Variants in POFUT3 observed in about 807,000 individuals in gnomAD.
POFUT3 encodes GDP-fucose protein O-fucosyltransferase 3.
At chr8:33,341,579 C>T in the POFUT3 span, among the ~76,000 whole-genome samples, 1 of 151,368 alleles carries the variant, frequency 6.6e-6, no homozygotes, top group African/African-American at 2.4e-5. Context: ...TAAAGCAATA[C>T]TGAGAGAGGA....
At chr8:33,386,199 A>G in the POFUT3 span, among the ~76,000 whole-genome samples, 1 of 151,242 alleles carries the variant, frequency 6.6e-6, no homozygotes, top group Non-Finnish European at 1.5e-5. Context: ...AAAAAAAAAA[A>G]AAAAAAAAAA....
the POFUT3 span, among the ~76,000 whole-genome samples, chr8:33,454,863 T>C: frequency 6.6e-6 from 1 of 151,948 alleles, no homozygotes; most frequent in Admixed American, 6.6e-5. Flanking sequence ...AGACGGGGTT[T>C]CACTATATTG....
At chr8:33,392,926 A>G in the POFUT3 span, among the ~76,000 whole-genome samples, 2 of 152,092 alleles carry the variant, frequency 1.3e-5, no homozygotes. Context: ...GGTTTCAGTG[A>G]CCCAAGATTG....
chr8:33,455,686 T>C, the POFUT3 span: 8 of 386,810 alleles, frequency 2.1e-5, no homozygotes, highest in Non-Finnish European at 1.0e-5. Flanking sequence ...TACATTTCTA[T>C]GTGTTAACTG....
chr8:33,379,944 A>G, the POFUT3 span, among the ~76,000 whole-genome samples: 1 of 112,252 alleles, frequency 8.9e-6, no homozygotes, highest in African/African-American at 3.7e-5. Flanking sequence ...CACTATATAT[A>G]CCCTATATAT....
chr8:33,436,489 G>T, the POFUT3 span: 1 of 1,355,084 alleles, frequency 7.4e-7, no homozygotes, highest in Non-Finnish European at 1.1e-6. Flanking sequence ...GCTCTCATTC[G>T]TGCTGGCTTC....
At chr8:33,382,340 A>G in the POFUT3 span, among the ~76,000 whole-genome samples, 1 of 152,118 alleles carries the variant, frequency 6.6e-6, no homozygotes, top group African/African-American at 2.4e-5. Flanking sequence ...TTGACTAGAC[A>G]CACACTTTTA....
chr8:33,359,889 C>T, the POFUT3 span, among the ~76,000 whole-genome samples: 3 of 151,806 alleles, frequency 2.0e-5, no homozygotes, highest in Non-Finnish European at 4.4e-5. Context: ...ACCTGTAATC[C>T]CAGTTCCTCA....
the POFUT3 span, among the ~76,000 whole-genome samples, chr8:33,367,604 C>A: frequency 6.6e-6 from 1 of 152,076 alleles, no homozygotes; most frequent in Non-Finnish European, 1.5e-5. Context: ...TCTCCCCAAA[C>A]AAGCTGGTCT....
At chr8:33,455,924 A>C in the POFUT3 span, 2 of 429,972 alleles carry the variant, frequency 4.7e-6, no homozygotes, top group African/African-American at 2.1e-5. Context: ...AAAACCACTG[A>C]GTGAAAGCCA....
the POFUT3 span, among the ~76,000 whole-genome samples, chr8:33,346,438 A>C: frequency 6.6e-6 from 1 of 152,140 alleles, no homozygotes; most frequent in East Asian, 1.9e-4. Context: ...CCAGGCCCAT[A>C]ACTAACCACT....
chr8:33,427,812 G>A, the POFUT3 span, among the ~76,000 whole-genome samples: 2 of 151,898 alleles, frequency 1.3e-5, no homozygotes, highest in African/African-American at 4.8e-5. Context: ...GCAAGCTTTG[G>A]GGTTGGCAAG....
chr8:33,385,707 C>T, the POFUT3 span, among the ~76,000 whole-genome samples: 2 of 148,244 alleles, frequency 1.3e-5, no homozygotes, highest in Non-Finnish European at 3.0e-5. Flanking sequence ...CATGGTGAAA[C>T]CCCATCTGTA....
chr8:33,340,587 T>TA, the POFUT3 span, among the ~76,000 whole-genome samples: 38 of 151,792 alleles, frequency 2.5e-4, no homozygotes, highest in African/African-American at 8.9e-4. Flanking sequence ...AAAGGATGTT[T>TA]AAAAAAAAGA....
chr8:33,464,642 C>T, the POFUT3 span, among the ~76,000 whole-genome samples: 2 of 152,120 alleles, frequency 1.3e-5, no homozygotes, highest in South Asian at 2.1e-4. Context: ...ATTAGCCAGG[C>T]ATGGCGGTGA....
At chr8:33,436,417 GGAAGCTCCTTATTGGTAC>G in the POFUT3 span, 1 of 1,435,010 alleles carries the variant, frequency 7.0e-7, no homozygotes, top group South Asian at 1.2e-5. Flanking sequence ...AAACTTGGCT[GGAAGCTCCTTATTGGTAC>G]AGGTGGGACT....
chr8:33,315,554 C>T, the POFUT3 span, among the ~76,000 whole-genome samples: 1 of 151,974 alleles, frequency 6.6e-6, no homozygotes, highest in African/African-American at 2.4e-5. Context: ...AAAGTGGGGG[C>T]CGTGTCCTGC....
At chr8:33,380,876 G>A in the POFUT3 span, among the ~76,000 whole-genome samples, 2 of 148,198 alleles carry the variant, frequency 1.3e-5, no homozygotes, top group Admixed American at 1.3e-4. Context: ...GCTCACACCT[G>A]TAATCCCAGC....
At chr8:33,459,659 T>C in the POFUT3 span, among the ~76,000 whole-genome samples, 3 of 149,384 alleles carry the variant, frequency 2.0e-5, no homozygotes, top group African/African-American at 4.9e-5. Flanking sequence ...AAAAAAAAAG[T>C]TCTGTGGATT....
Sources: allele counts gnomAD v4.1 joint callset (sites outside exome capture counted in the v4.1 genomes callset), GRCh38; gene constraint gnomAD v4.1.1; transcripts MANE v1.5; gene names NCBI Gene and HGNC (gene_info 2026-07-23, HGNC 2026-07-21).